The following OBSL1 variants were observed in gnomAD, a reference collection of about 807,000 sequenced individuals.
The protein encoded by OBSL1 is obscurin like cytoskeletal adaptor 1, also known as obscurin-like protein 1.
OBSL1 carries 160 observed loss-of-function variants against 172.0 expected under a neutral mutation model. The ratio of observed to expected loss-of-function variants is 0.93; its 90% CI spans 0.82 to 1.06. OBSL1 has a LOEUF of 1.06. Among genes scored for constraint, OBSL1 ranks in the 50% least tolerant of loss-of-function variants. The pLI is 0.00. For synonymous variants in OBSL1, 1,200 were observed against 1,196.3 expected (o/e 1.00, Z -0.06); for missense variants, 2,681 against 2,715.4 (o/e 0.99, Z 0.28).
chr2:219,566,987 C>T lies in OBSL1; in HGVS notation c.1977G>A (p.Pro659=), dbSNP rs374067113. ...GGGCCCCAGGTTCCACCTGGCCCTC[C>T]GGCTCGTTACTCTTGAGCTCTTCCC... ...LNGEELKSNE[P]EGQVEPGALR... is the part of the protein sequence containing the mutation. The change falls in exon 5 of 21, where the codon CCG becomes CCA. Residue 659 remains proline, a synonymous_variant. Transcript: ENST00000404537. 13 of 1,613,634 alleles carry T rather than the reference C, an allele frequency of 8.1e-6. No homozygotes were observed. Among genetic ancestry groups the T allele is most frequent in the Middle Eastern group, 1.6e-4 (1 of 6,084 alleles).
downstream of OBSL1, chr2:219,547,438 C>A: frequency 2.3e-6 from 3 of 1,292,806 alleles, no homozygotes; most frequent in South Asian, 5.0e-5. Flanking sequence ...GTCCTTGACC[C>A]CTTGGACCTG....
At chr2:219,564,768 T>C (rs572461761) in intron 6 of OBSL1, among the ~76,000 whole-genome samples, 1 of 152,048 alleles carries the variant, frequency 6.6e-6, no homozygotes, top group East Asian at 1.9e-4. Flanking sequence ...GAGACCCTCA[T>C]CTTAAAAAAA....
At position 219,566,928 on chromosome 2, in the gene OBSL1, TG is replaced by T. The variant is rs754622552; in HGVS notation, c.2035del (p.His679ThrfsTer40). The T allele has an allele frequency of 1.2e-6, 2 of 1,613,706 alleles. No individual in the cohort carries two copies. The highest frequency in any genetic ancestry group is 2.2e-5 in the South Asian group (2 of 91,088). On this transcript the variant is annotated frameshift_variant, in exon 5 of 21. Transcript: ENST00000404537. LOFTEE classifies it high-confidence loss of function. The part of the protein sequence containing the change: ...RYRIEQKGLQ[H>X]RLILHAVKHQ... Reference sequence around the variant, plus strand: ...CTTGACGGCATGCAGGATGAGTCTGTGCTGCAGACCCTTCTGCTCTATACGG... The same window carrying T: ...CTTGACGGCATGCAGGATGAGTCTGTCTGCAGACCCTTCTGCTCTATACGG...
chr2:219,548,028 T>C, downstream of OBSL1: 1 of 1,589,210 alleles, frequency 6.3e-7, no homozygotes, highest in Non-Finnish European at 8.5e-7. Flanking sequence ...CTCAGCCTGA[T>C]GGGCGTTCTG....
At chr2:219,564,553 C>T (rs1489104435) in intron 6 of OBSL1, among the ~76,000 whole-genome samples, 4 of 152,334 alleles carry the variant, frequency 2.6e-5, no homozygotes, top group African/African-American at 7.2e-5. Context: ...GTGTTTGCTC[C>T]CATCTCTCCT....
At chr2:219,555,872 G>T in intron 14 of OBSL1, 148 bp downstream of exon 14, 1 of 1,454,116 alleles carries the variant, frequency 6.9e-7, no homozygotes, top group Non-Finnish European at 9.1e-7. Context: ...GAAAAGTTTT[G>T]CTTTGGGCAA....
At chr2:219,547,696 C>T, downstream of OBSL1, 7 of 1,567,912 alleles carry the variant, frequency 4.5e-6, no homozygotes, top group Middle Eastern at 1.8e-4. Flanking sequence ...TGGGCCTCTT[C>T]CTGGTGGGGC....
chr2:219,567,346 G>A lies in OBSL1; in HGVS notation c.1764C>T (p.Tyr588=), dbSNP rs112837511. The A allele has an allele frequency of 1.4e-5, 22 of 1,611,622 alleles. No homozygotes were observed. The highest frequency in any genetic ancestry group is 1.2e-4 in the African/African-American group (9 of 75,016). ...CGCTGACTGTGCAGATGCGGAAGCG[G>A]TAGTCACCCTCGGAGGGCACACAGT... ...PGDCVPSEGD[Y]RFRICTVSGH... Residue 588 remains tyrosine, a synonymous_variant, in exon 4 of 21, where the codon TAC becomes TAT. Transcript: ENST00000404537.
chr2:219,558,515 C>T, intron 9 of OBSL1, 56 bp from the exon 10 acceptor site: 1 of 1,486,098 alleles, frequency 6.7e-7, no homozygotes, highest in Non-Finnish European at 9.0e-7. Flanking sequence ...CCTCTCCTGC[C>T]TCACCCGCCA....
Position 219,570,926 on chromosome 2 carries a change from C to A in OBSL1, c.307G>T (p.Glu103Ter), listed in dbSNP as rs2106118400. Residue 103 changes from glutamate (E) to a stop codon, truncating the protein, a stop_gained, in exon 1 of 21, where the codon GAG becomes TAG. Coordinates refer to ENST00000404537, the MANE Select transcript of OBSL1 (RefSeq NM_015311.3). LOFTEE classifies it high-confidence loss of function. ...AYAAAAVTVL[E>*]PPASDPELQP... ...AGCTCGGGGTCGGAGGCCGGCGGCT[C>A]CAGCACGGTGACGGCGGCCGCCGCG... is the stretch of plus-strand genomic sequence containing the variant. The A allele has an allele frequency of 7.8e-7, 1 of 1,287,500 alleles. No individual in the cohort carries two copies. Among genetic ancestry groups the A allele is most frequent in the Non-Finnish European group, 9.7e-7 (1 of 1,025,858 alleles). The allele number at this position is 1,287,500 out of a possible 1,614,324, so 79.8% of individuals were successfully genotyped here.
At chr2:219,555,926 G>A in intron 14 of OBSL1, 94 bp downstream of exon 14, 2 of 1,528,984 alleles carry the variant, frequency 1.3e-6, no homozygotes, top group South Asian at 1.3e-5. Flanking sequence ...CAGCGATGAG[G>A]GGCACTTTGG....
chr2:219,550,950 C>T, intron 20 of OBSL1, 108 bp from the exon 21 acceptor site: 1 of 1,546,342 alleles, frequency 6.5e-7, no homozygotes, highest in South Asian at 1.2e-5. Flanking sequence ...CCCCCAGGTT[C>T]TGCCCTACCC....
Position 219,550,866 on chromosome 2 carries a change from G to C in OBSL1, c.5684-24C>G, listed in dbSNP as rs765239909. 5.1e-6 allele frequency: 8 copies of C among 1,578,870 alleles called. No individual in the cohort carries two copies. In the East Asian group the frequency reaches 1.4e-4, roughly 27 times the overall value. On this transcript the variant is annotated intron_variant, in intron 20 of 20. Coordinates refer to ENST00000404537, the MANE Select transcript of OBSL1 (RefSeq NM_015311.3). ...GCCTGCAGAGGAATGACTCCACATG[G>C]GGCTGGGGAGAGAAGGGGGTACCAC... is the stretch of plus-strand genomic sequence containing the variant.
chr2:219,564,802 A>T (rs976840642), intron 6 of OBSL1, among the ~76,000 whole-genome samples: 1 of 152,208 alleles, frequency 6.6e-6, no homozygotes, highest in Non-Finnish European at 1.5e-5. Context: ...AAAGCCAGGC[A>T]TGGTGGCTCA....
At chr2:219,547,363 T>C (rs142341809), downstream of OBSL1, 3,045 of 630,300 alleles carry the variant, frequency 4.8e-3, 11 homozygotes, top group Middle Eastern at 7.5e-3. Context: ...GATGCCGTCA[T>C]GACTCCAGTG....
chr2:219,562,891 A>C, intron 7 of OBSL1: 2 of 598,318 alleles, frequency 3.3e-6, no homozygotes, highest in Non-Finnish European at 5.8e-6. Flanking sequence ...CAGGAGCTGC[A>C]CAGAGGGGAC....
At chr2:219,564,981 C>T (rs1451283744) in intron 6 of OBSL1, among the ~76,000 whole-genome samples, 3 of 152,134 alleles carry the variant, frequency 2.0e-5, no homozygotes, top group South Asian at 2.1e-4. Flanking sequence ...GTGAGAGAAT[C>T]GCTTTAACCC....
chr2:219,570,428 C>A lies in OBSL1; in HGVS notation c.805G>T (p.Val269Leu). Residue 269 changes from valine to leucine, a missense_variant, in exon 1 of 21, where the codon GTG becomes TTG. Transcript: ENST00000404537. ...EGKHAKFRCY[V>L]MGKPEPEIEW... ...ATCTCGGGCTCGGGCTTGCCCATCA[C>A]GTAGCAGCGGAACTTGGCGTGCTTG... 2 of 1,613,310 alleles carry A rather than the reference C, an allele frequency of 1.2e-6. No individual in the cohort carries two copies. Among genetic ancestry groups the A allele is most frequent in the Non-Finnish European group, 1.7e-6 (2 of 1,179,618 alleles).
chr2:219,548,204 T>TG, downstream of OBSL1: 1 of 934,674 alleles, frequency 1.1e-6, no homozygotes, highest in Non-Finnish European at 1.5e-6. Flanking sequence ...AGAGCTGACT[T>TG]GCTCAGGGTC....
Sources: gnomAD v4.1 joint callset for allele counts (sites outside exome capture counted in the v4.1 genomes callset) on GRCh38, gnomAD v4.1.1 for gene constraint, MANE v1.5 for transcripts, NCBI Gene and HGNC (gene_info 2026-07-23, HGNC 2026-07-21) for gene names.